Variants in SNX29 observed in about 807,000 individuals in gnomAD.
SNX29 encodes sorting nexin-29.
SNX29 carries 78 observed loss-of-function variants against 102.1 expected under a neutral mutation model. The observed-to-expected ratio is 0.76, with a 90% CI of 0.64 to 0.92. The LOEUF (loss-of-function observed/expected upper bound fraction) is 0.92. SNX29 is among the 40% of genes least tolerant of loss of function. SNX29 has a pLI of 0.00. For missense variants in SNX29, 1,280 were observed against 1,061.7 expected, an observed-to-expected ratio of 1.21 and a Z score of -2.86; for synonymous variants, 580 against 414.5, an observed-to-expected ratio of 1.40 and a Z score of -4.85.
At chr16:12,379,665 T>A (rs2083003920) in intron 16 of SNX29, among the ~76,000 whole-genome samples, 1 of 152,250 alleles carries the variant, frequency 6.6e-6, no homozygotes, top group African/African-American at 2.4e-5. Flanking sequence ...GCATTTTCAA[T>A]GAGCAGAACT....
intron 15 of SNX29, among the ~76,000 whole-genome samples, chr16:12,326,730 C>T (rs1242712231): frequency 6.7e-6 from 1 of 148,872 alleles, no homozygotes; most frequent in Non-Finnish European, 1.5e-5. Flanking sequence ...TTTCTCTGTG[C>T]TGTTGTTTTC....
At chr16:12,530,059 C>A (rs577011336) in intron 20 of SNX29, among the ~76,000 whole-genome samples, 2 of 152,324 alleles carry the variant, frequency 1.3e-5, no homozygotes, top group African/African-American at 4.8e-5. Flanking sequence ...TGTCCCAGTT[C>A]GGCACCGTTC....
At chr16:12,547,513 G>T (rs2077682766) in intron 20 of SNX29, among the ~76,000 whole-genome samples, 1 of 152,080 alleles carries the variant, frequency 6.6e-6, no homozygotes, top group Non-Finnish European at 1.5e-5. Flanking sequence ...TTCAATGTGG[G>T]TGTGAGAGAA....
At chr16:12,568,324 G>A (rs548480716) in intron 20 of SNX29, among the ~76,000 whole-genome samples, 182 bp from the exon 21 acceptor site, 17 of 126,200 alleles carry the variant, frequency 1.3e-4, no homozygotes, top group East Asian at 6.0e-4. Flanking sequence ...AAAATGGAAA[G>A]GTTTACGTGA....
At chr16:12,369,045 G>T (rs976347692) in intron 16 of SNX29, among the ~76,000 whole-genome samples, 2 of 151,986 alleles carry the variant, frequency 1.3e-5, no homozygotes, top group Non-Finnish European at 2.9e-5. Context: ...TATAGAAACT[G>T]CCCCCAGACT....
chr16:12,020,712 C>T (rs533301659), intron 3 of SNX29, among the ~76,000 whole-genome samples: 1 of 152,078 alleles, frequency 6.6e-6, no homozygotes, highest in East Asian at 1.9e-4. Context: ...CAACCTCCCC[C>T]TCCTGGGTTC....
chr16:12,268,243 A>G (rs1452842108), intron 14 of SNX29, among the ~76,000 whole-genome samples: 5 of 152,264 alleles, frequency 3.3e-5, no homozygotes, highest in African/African-American at 1.2e-4. Context: ...TCACTGGAAC[A>G]GAAGCTTCAT....
At chr16:12,536,787 C>A (rs1185009937) in intron 20 of SNX29, among the ~76,000 whole-genome samples, 5 of 152,078 alleles carry the variant, frequency 3.3e-5, no homozygotes, top group African/African-American at 9.7e-5. Context: ...ACCAGCCTGG[C>A]CAACATGGTA....
intron 15 of SNX29, among the ~76,000 whole-genome samples, chr16:12,355,867 A>C (rs1357867159): frequency 8.3e-6 from 1 of 120,752 alleles, no homozygotes; most frequent in Admixed American, 8.2e-5. Flanking sequence ...AAAAAAAAAA[A>C]AAAAAAAAAG....
intron 10 of SNX29, among the ~76,000 whole-genome samples, chr16:12,074,590 C>T (rs572048088): frequency 5.9e-5 from 9 of 152,200 alleles, no homozygotes; most frequent in African/African-American, 1.9e-4. Flanking sequence ...CTCTGGCTGC[C>T]CTTAACATTT....
At chr16:12,526,342 C>T (rs575263787) in intron 20 of SNX29, among the ~76,000 whole-genome samples, 1 of 152,046 alleles carries the variant, frequency 6.6e-6, no homozygotes, top group Non-Finnish European at 1.5e-5. Flanking sequence ...CCATCCAGAT[C>T]GACATGAGCA....
intron 14 of SNX29, among the ~76,000 whole-genome samples, chr16:12,265,007 T>G (rs2142539902): frequency 6.6e-6 from 1 of 152,292 alleles, no homozygotes; most frequent in African/African-American, 2.4e-5. Context: ...GAATGAGCTG[T>G]TTTCTGTTTT....
chr16:12,426,949 G>A (rs183454721), intron 18 of SNX29, among the ~76,000 whole-genome samples: 6 of 152,170 alleles, frequency 3.9e-5, no homozygotes, highest in Admixed American at 1.3e-4. Flanking sequence ...TACAGGGCCC[G>A]AGCCACCATG....
intron 16 of SNX29, among the ~76,000 whole-genome samples, chr16:12,379,506 C>A (rs2082999140): frequency 1.3e-5 from 2 of 152,238 alleles, no homozygotes; most frequent in Admixed American, 1.3e-4. Context: ...AGAAGCAGGG[C>A]AGGCCATGGG....
chr16:12,029,975 A>G (rs1020144524), intron 4 of SNX29, among the ~76,000 whole-genome samples: 6 of 152,204 alleles, frequency 3.9e-5, no homozygotes, highest in African/African-American at 1.4e-4. Flanking sequence ...GGGGCCATTC[A>G]GAATATACCA....
intron 18 of SNX29, among the ~76,000 whole-genome samples, chr16:12,403,785 A>G (rs1255139503): frequency 6.6e-6 from 1 of 152,228 alleles, no homozygotes; most frequent in Non-Finnish European, 1.5e-5. Context: ...CTCAGACTGC[A>G]TGAGCAGAAA....
At chr16:12,074,330 G>C (rs2051441046) in intron 10 of SNX29, among the ~76,000 whole-genome samples, 1 of 152,046 alleles carries the variant, frequency 6.6e-6, no homozygotes, top group Non-Finnish European at 1.5e-5. Flanking sequence ...TCCATGTTTA[G>C]TGCCTCCTTC....
chr16:12,525,908 C>G (rs372326214), intron 20 of SNX29, among the ~76,000 whole-genome samples: 16 of 152,234 alleles, frequency 1.1e-4, no homozygotes, highest in African/African-American at 3.6e-4. Context: ...TTTGACGTCC[C>G]TGCCTTGCCA....
chr16:12,212,408 G>T (rs187702735), intron 14 of SNX29, among the ~76,000 whole-genome samples: 2 of 152,170 alleles, frequency 1.3e-5, no homozygotes, highest in East Asian at 1.9e-4. Context: ...TTCGTCCATG[G>T]TAGACAGAAG....
Sources: allele counts gnomAD v4.1 joint callset (sites outside exome capture counted in the v4.1 genomes callset), GRCh38; gene constraint gnomAD v4.1.1; transcripts MANE v1.5; gene names NCBI Gene and HGNC (gene_info 2026-07-23, HGNC 2026-07-21).